Variants in NWD2 observed in about 807,000 individuals in gnomAD.
The protein encoded by NWD2 is NACHT and WD repeat domain-containing protein 2.
NWD2 carries 37 observed loss-of-function variants against 132.7 expected under a neutral mutation model. The observed-to-expected ratio is 0.28, with a 90% confidence interval of 0.21 to 0.37. NWD2 has a LOEUF of 0.37. Ranked by LOEUF, NWD2 falls within the 10% of genes least tolerant of loss-of-function variation. NWD2 has a pLI of 1.00. For missense variants in NWD2, 1,592 were observed against 2,122.4 expected, an observed-to-expected ratio of 0.75 and a Z score of 4.91; for synonymous variants, 705 against 803.0, an observed-to-expected ratio of 0.88 and a Z score of 2.06.
At position 37,244,851 on chromosome 4, in the gene NWD2, C is replaced by A; in HGVS notation, c.-217C>A. The A allele has an allele frequency of 3.5e-6, 2 of 567,302 alleles. No individual in the cohort carries two copies. The highest frequency in any genetic ancestry group is 6.0e-6 in the Non-Finnish European group (2 of 331,880). 35.1% of individuals were successfully genotyped at this position (567,302 alleles called of 1,614,324 possible). On this transcript the variant is annotated 5_prime_UTR_variant, in exon 1 of 7. Coordinates refer to ENST00000309447, the MANE Select transcript of NWD2 (RefSeq NM_001144990.2). The surrounding 1 kb of genome is among the most constrained non-coding windows in gnomAD (Gnocchi z 5.5). ...GGCGGAGGCCCAGAAGGGCAGGAGA[C>A]CGCCGCGACAGGAGCCCGAGGGTCC...
intron 1 of NWD2, among the ~76,000 whole-genome samples, chr4:37,281,962 T>C (rs1375181435): frequency 6.6e-6 from 1 of 152,182 alleles, no homozygotes; most frequent in Non-Finnish European, 1.5e-5. Context: ...ATGATATTTA[T>C]GATTCCCCGG....
rs532827655 is a variant in NWD2 at position 37,439,111 on chromosome 4, C to T, written c.1017C>T (p.Ile339=). Residue 339 remains isoleucine (I), a synonymous_variant, in exon 6 of 7, where the codon ATC becomes ATT. Transcript: ENST00000309447. The surrounding 1 kb of genome is among the most constrained non-coding windows in gnomAD (Gnocchi z 4.5). Reference sequence around the variant, plus strand: ...CCCAAGAAATAGAAAATCATTACATCGAAGGACTTGGTAAACAATTTTATG... The same window carrying T: ...CCCAAGAAATAGAAAATCATTACATTGAAGGACTTGGTAAACAATTTTATG... ...GYSQEIENHY[I]EGLGKQFYED... 16 of 1,551,744 alleles carry T rather than the reference C, an allele frequency of 1.0e-5. No individual in the cohort carries two copies. Among genetic ancestry groups the T allele is most frequent in the Admixed American group, 3.9e-5 (2 of 50,978 alleles).
At chr4:37,315,756 C>T (rs1485097083) in intron 1 of NWD2, among the ~76,000 whole-genome samples, 1 of 151,828 alleles carries the variant, frequency 6.6e-6, no homozygotes, top group Non-Finnish European at 1.5e-5. Context: ...TGGTTTTCTT[C>T]GTTTGTTCCC....
intron 5 of NWD2, 23 bp downstream of exon 5, chr4:37,434,043 A>T (rs929111243): frequency 1.3e-6 from 2 of 1,503,772 alleles, no homozygotes; most frequent in African/African-American, 1.4e-5. Flanking sequence ...TACCTTCAGT[A>T]AAATAAGAAA....
intron 2 of NWD2, among the ~76,000 whole-genome samples, chr4:37,342,844 G>C (rs1007902053): frequency 6.6e-6 from 1 of 152,148 alleles, no homozygotes; most frequent in African/African-American, 2.4e-5. Flanking sequence ...ACCTCATATT[G>C]TTGGTCTCCT....
chr4:37,281,344 A>C (rs1375124549), intron 1 of NWD2, among the ~76,000 whole-genome samples: 1 of 150,690 alleles, frequency 6.6e-6, no homozygotes, highest in Non-Finnish European at 1.5e-5. Context: ...AGTAGAATCT[A>C]CATTTTTTTT....
intron 2 of NWD2, among the ~76,000 whole-genome samples, chr4:37,351,890 T>A (rs1476663576): frequency 6.6e-6 from 1 of 152,322 alleles, no homozygotes; most frequent in East Asian, 1.9e-4. Flanking sequence ...TTCATTCTCA[T>A]TGGTTTCAAA....
intron 1 of NWD2, among the ~76,000 whole-genome samples, chr4:37,245,508 C>T (rs1717220144): frequency 6.6e-6 from 1 of 151,892 alleles, no homozygotes; most frequent in Non-Finnish European, 1.5e-5. Flanking sequence ...CTGGAAGCTC[C>T]ATTCTGCCGC....
intron 1 of NWD2, among the ~76,000 whole-genome samples, chr4:37,291,276 A>G (rs1718354822): frequency 6.6e-6 from 1 of 152,180 alleles, no homozygotes; most frequent in Admixed American, 6.5e-5. Context: ...AGCCTAATCT[A>G]AGGATTGCTG....
intron 2 of NWD2, among the ~76,000 whole-genome samples, chr4:37,328,414 G>A (rs150740939): frequency 2.0e-5 from 3 of 151,966 alleles, no homozygotes; most frequent in African/African-American, 7.2e-5. Context: ...CCCCCAGCAG[G>A]CCCCAGTGTG....
intron 2 of NWD2, among the ~76,000 whole-genome samples, chr4:37,347,811 C>T (rs141317939): frequency 6.6e-6 from 1 of 152,242 alleles, no homozygotes; most frequent in East Asian, 1.9e-4. Context: ...TTTTTATTTG[C>T]TCTAAATAAG....
intron 2 of NWD2, among the ~76,000 whole-genome samples, chr4:37,341,909 G>A (rs1203696340): frequency 6.6e-6 from 1 of 152,170 alleles, no homozygotes; most frequent in Admixed American, 6.5e-5. Flanking sequence ...GCTAATGGGT[G>A]AGAGGGAGCA....
intron 1 of NWD2, among the ~76,000 whole-genome samples, chr4:37,317,415 C>T (rs1488496342): frequency 6.6e-6 from 1 of 152,178 alleles, no homozygotes. Flanking sequence ...TGAACTTACC[C>T]TTTTGTCTAC....
rs564025120 is a variant in NWD2 at position 37,315,744 on chromosome 4, G to A, written c.152-10192G>A. 1.1e-4 allele frequency among the ~76,000 whole-genome samples: 17 copies of A among 151,926 alleles called. No homozygotes were observed. The South Asian group carries it at 3.3e-3, about 30-fold the overall frequency. On this transcript the variant is annotated intron_variant, in intron 1 of 6. Coordinates refer to ENST00000309447, the MANE Select transcript of NWD2 (RefSeq NM_001144990.2). ...TTTTACTATTTTCTACATATCTCACGTTGGTTTTCTTCGTTTGTTCCCACT... is the reference window on the plus strand; with the variant it reads ...TTTTACTATTTTCTACATATCTCACATTGGTTTTCTTCGTTTGTTCCCACT...
At chr4:37,314,196 G>A (rs1718911893) in intron 1 of NWD2, among the ~76,000 whole-genome samples, 1 of 152,132 alleles carries the variant, frequency 6.6e-6, no homozygotes, top group South Asian at 2.1e-4. Flanking sequence ...TTTACTAATA[G>A]TTTGTTAAGG....
intron 1 of NWD2, among the ~76,000 whole-genome samples, chr4:37,287,267 C>T (rs2109270601): frequency 6.6e-6 from 1 of 152,348 alleles, no homozygotes; most frequent in African/African-American, 2.4e-5. Flanking sequence ...CCTAAGCCTG[C>T]AGAGCTCCCA....
At chr4:37,266,960 G>A (rs529524661) in intron 1 of NWD2, among the ~76,000 whole-genome samples, 1 of 152,038 alleles carries the variant, frequency 6.6e-6, no homozygotes, top group African/African-American at 2.4e-5. Context: ...AAAATTCAGA[G>A]AAATTAAGTG....
In NWD2 at chr4:37,439,134, A is replaced by T; in HGVS notation, c.1040A>T (p.Tyr347Phe). The change falls in exon 6 of 7, where the codon TAT becomes TTT. Residue 347 changes from tyrosine to phenylalanine, a missense_variant. This residue lies in a region of NWD2 where 1,071 missense variants were observed against 1,398.0 expected (regional missense o/e 0.77). Transcript: ENST00000309447. This position sits in a 1 kb window ranked among gnomAD's most constrained non-coding sequence, Gnocchi z 4.5. ...ATCGAAGGACTTGGTAAACAATTTTATGAGGACATGATTGATATAATTCAG... is the reference window on the plus strand; with the variant it reads ...ATCGAAGGACTTGGTAAACAATTTTTTGAGGACATGATTGATATAATTCAG... ...HYIEGLGKQFYEDMIDIIQAT... is the reference protein window; with the variant it reads ...HYIEGLGKQFFEDMIDIIQAT... 2 of 1,551,730 alleles carry T rather than the reference A, an allele frequency of 1.3e-6. No homozygotes were observed. The highest frequency in any genetic ancestry group is 1.7e-6 in the Non-Finnish European group (2 of 1,146,970).
chr4:37,408,169 G>A (rs1450456190), intron 3 of NWD2, among the ~76,000 whole-genome samples: 2 of 152,162 alleles, frequency 1.3e-5, no homozygotes, highest in Non-Finnish European at 2.9e-5. Context: ...TGGAACCCCA[G>A]CAAGACAAAA....
Sources: gnomAD v4.1 joint callset for allele counts (sites outside exome capture counted in the v4.1 genomes callset) on GRCh38, gnomAD v4.1.1 for gene constraint, gnomAD v4.1.1 regional missense constraint, Gnocchi (gnomAD v3.1) non-coding constraint, MANE v1.5 for transcripts, NCBI Gene and HGNC (gene_info 2026-07-23, HGNC 2026-07-21) for gene names.